The following NUP98 variants were observed in gnomAD, a reference collection of about 807,000 sequenced individuals.
The protein encoded by NUP98 is nucleoporin 98 and 96 precursor, also known as nuclear pore complex protein Nup98-Nup96.
Under a neutral mutation model 191.9 loss-of-function variants are expected in NUP98, and 26 were observed. The ratio of observed to expected loss-of-function variants is 0.14; its 90% CI spans 0.10 to 0.19. The LOEUF (loss-of-function observed/expected upper bound fraction) is 0.19. Among genes scored for constraint, NUP98 ranks in the 10% least tolerant of loss-of-function variants. NUP98 has a pLI of 1.00. For synonymous variants in NUP98, 808 were observed against 778.4 expected (o/e 1.04, Z -0.63); for missense variants, 1,941 against 2,178.8 (o/e 0.89, Z 2.17).
chr11:3,704,700 T>C (rs1049503568), intron 22 of NUP98, among the ~76,000 whole-genome samples: 2 of 152,244 alleles, frequency 1.3e-5, no homozygotes, highest in South Asian at 4.1e-4. Flanking sequence ...GAGGTAATTC[T>C]AGTTCTTAAA....
rs71041395 is a variant in NUP98, at chr11:3,791,533, CAAA to C, written c.-29+5864_-29+5866del. On this transcript the variant is annotated intron_variant, in intron 1 of 32. Transcript: ENST00000324932. Reference sequence around the variant, plus strand: ...TGGGGGAAAGACCGAGACCTCGTCTCAAAAAAAAAAAAAAAAAAAAAAAAAGAA... The same window carrying C: ...TGGGGGAAAGACCGAGACCTCGTCTCAAAAAAAAAAAAAAAAAAAAAAGAA... 3.3e-3 allele frequency among the ~76,000 whole-genome samples: 224 copies of C among 67,196 alleles called. 3 individuals carry two copies. The highest frequency in any genetic ancestry group is 0.042 in the Middle Eastern group (2 of 48). 44.1% of individuals were successfully genotyped at this position (67,196 alleles called of 152,430 possible).
At chr11:3,750,692 A>G (rs1333050383) in intron 11 of NUP98, among the ~76,000 whole-genome samples, 1 of 151,920 alleles carries the variant, frequency 6.6e-6, no homozygotes, top group African/African-American at 2.4e-5. Context: ...CAGTGGTACT[A>G]TCGTAACCCA....
At position 3,675,422 on chromosome 11, in the gene NUP98, CA is replaced by C. The variant is rs763826584; in HGVS notation, c.*736del. ...CAGGCAAATCCAGACAGAGTCTCAG[CA>C]AGACTGAAAACCAGGGACCAAACCA... On this transcript the variant is annotated 3_prime_UTR_variant, in exon 33 of 33. Transcript: ENST00000324932. The C allele has an allele frequency of 6.2e-5, 14 of 226,400 alleles. No homozygotes were observed. Among genetic ancestry groups the C allele is most frequent in the Non-Finnish European group, 1.1e-4 (13 of 113,822 alleles). 14.0% of individuals were successfully genotyped at this position (226,400 alleles called of 1,614,324 possible). A position where few individuals can be genotyped will look rare whatever the true frequency, so the allele number is the denominator to read the frequency against.
rs185329680 is a variant in NUP98, at chr11:3,758,416, G to A, written c.1174+2123C>T. Among the ~76,000 whole-genome samples the A allele has an allele frequency of 2.3e-3, 354 of 152,264 alleles. 4 individuals are homozygous for A. Among genetic ancestry groups the A allele is most frequent in the Non-Finnish European group, 2.1e-3 (142 of 68,020 alleles). ...TAGTCTACAAACGGTCCATGGGGAA[G>A]GGTAAGTGATAATAGAAAAGGTTGA... is the stretch of plus-strand genomic sequence containing the variant. On this transcript the variant is annotated intron_variant, in intron 10 of 32. Transcript: ENST00000324932.
chr11:3,711,874 A>G, intron 20 of NUP98: 1 of 1,035,406 alleles, frequency 9.7e-7, no homozygotes, highest in Non-Finnish European at 1.2e-6. Flanking sequence ...TAAAAACCAC[A>G]CATTTCAGCA....
intron 20 of NUP98, among the ~76,000 whole-genome samples, chr11:3,710,830 T>G (rs1259539584): frequency 6.6e-6 from 1 of 152,214 alleles, no homozygotes; most frequent in Non-Finnish European, 1.5e-5. Flanking sequence ...TAGAAAATAA[T>G]GCAAGTAAAC....
At position 3,702,692 on chromosome 11, in the gene NUP98, G is replaced by A. The variant is rs541523751; in HGVS notation, c.3283C>T (p.Arg1095Cys). The A allele has an allele frequency of 2.2e-5, 36 of 1,614,124 alleles. No homozygotes were observed. In the South Asian group the frequency reaches 2.4e-4, roughly 11 times the overall value. ...CGAGGGACTAGGCCTAGTTGCCTAC[G>A]TGTACCCACTGTTTTCAACGGAACC... The part of the protein sequence containing the change: ...PEVPLKTVGT[R>C]RQLGLVPREK... The change falls in exon 23 of 33, where the codon CGT (arginine) becomes TGT (cysteine). Residue 1095 changes from arginine (R) to cysteine (C), a missense_variant. By Grantham distance (180) the Arg-to-Cys change is radical. This residue lies in a region of NUP98 where 1,030 missense variants were observed against 1,115.8 expected (regional missense o/e 0.92). Coordinates refer to ENST00000324932, the MANE Select transcript of NUP98 (RefSeq NM_016320.5).
intron 2 of NUP98, among the ~76,000 whole-genome samples, chr11:3,781,704 G>T (rs186323823): frequency 1.8e-4 from 27 of 151,820 alleles, no homozygotes; most frequent in African/African-American, 6.3e-4. Flanking sequence ...TAAATTCCAG[G>T]GCAGTTATTT....
chr11:3,743,829 G>A (rs1352479110), intron 12 of NUP98, among the ~76,000 whole-genome samples: 5 of 151,584 alleles, frequency 3.3e-5, no homozygotes, highest in South Asian at 2.1e-4. Context: ...CGAGGTGGGC[G>A]GATCACGAGG....
At chr11:3,771,658 C>G in intron 7 of NUP98, 90 bp downstream of exon 7, 1 of 1,119,242 alleles carries the variant, frequency 8.9e-7, no homozygotes, top group South Asian at 1.4e-5. Flanking sequence ...TTATTTTTCT[C>G]CATAGCACTT....
Position 3,763,117 on chromosome 11 carries a change from T to C in NUP98, c.949-78A>G. On this transcript the variant is annotated intron_variant, in intron 8 of 32. Coordinates refer to ENST00000324932, the MANE Select transcript of NUP98 (RefSeq NM_016320.5). ...GAATCTCAGAGTAATAAAAAAAAAGTTACCATTTTTTCAAGCTTATATGAC... is the reference window on the plus strand; with the variant it reads ...GAATCTCAGAGTAATAAAAAAAAAGCTACCATTTTTTCAAGCTTATATGAC... 2.2e-6 allele frequency: 3 copies of C among 1,385,256 alleles called. No individual in the cohort carries two copies. In the South Asian group the frequency reaches 4.0e-5, roughly 19 times the overall value. 85.8% of individuals were successfully genotyped at this position (1,385,256 alleles called of 1,614,324 possible). A position where few individuals can be genotyped will look rare whatever the true frequency, so the allele number is the denominator to read the frequency against.
intron 25 of NUP98, among the ~76,000 whole-genome samples, chr11:3,697,612 C>T (rs903118160): frequency 2.0e-5 from 3 of 151,954 alleles, no homozygotes; most frequent in African/African-American, 7.3e-5. Flanking sequence ...AGTTTGAGAC[C>T]ACCCTGGCCA....
At chr11:3,763,967 T>C (rs867911654) in intron 8 of NUP98, among the ~76,000 whole-genome samples, 1 of 152,236 alleles carries the variant, frequency 6.6e-6, no homozygotes, top group African/African-American at 2.4e-5. Flanking sequence ...ACTTGCTGAA[T>C]AGGGAATTCA....
At chr11:3,744,790 G>T in intron 11 of NUP98, 141 bp from the exon 12 acceptor site, 1 of 835,974 alleles carries the variant, frequency 1.2e-6, no homozygotes, top group Non-Finnish European at 1.8e-6. Flanking sequence ...TACGGTAAGT[G>T]TTACTGCAGG....
chr11:3,750,504 C>T (rs2080708375), intron 11 of NUP98, among the ~76,000 whole-genome samples: 1 of 152,200 alleles, frequency 6.6e-6, no homozygotes. Context: ...TAAGACAGTG[C>T]TTTCAAACAT....
chr11:3,731,254 ACT>A (rs1180547044), intron 14 of NUP98, 135 bp downstream of exon 14: 1 of 511,002 alleles, frequency 2.0e-6, no homozygotes, highest in Admixed American at 4.3e-5. Flanking sequence ...ACAGAGTAAG[ACT>A]CTGTCTCAAA....
intron 8 of NUP98, among the ~76,000 whole-genome samples, chr11:3,766,636 C>A (rs1435295945): frequency 1.4e-5 from 2 of 144,690 alleles, no homozygotes; most frequent in African/African-American, 2.6e-5. Context: ...CTGCAGTGAG[C>A]TGAGATCGTG....
At chr11:3,758,799 G>C (rs1301450563) in intron 10 of NUP98, among the ~76,000 whole-genome samples, 1 of 151,882 alleles carries the variant, frequency 6.6e-6, no homozygotes, top group Non-Finnish European at 1.5e-5. Flanking sequence ...CAGAGAGACA[G>C]AGACAGAGAC....
chr11:3,747,690 G>A (rs188200793), intron 11 of NUP98, among the ~76,000 whole-genome samples: 103 of 152,184 alleles, frequency 6.8e-4, no homozygotes, highest in Admixed American at 6.7e-3. Context: ...GTACCCAAAC[G>A]CCCACATTAC....
Sources: allele counts gnomAD v4.1 joint callset (sites outside exome capture counted in the v4.1 genomes callset), GRCh38; gene constraint gnomAD v4.1.1; regional missense constraint gnomAD v4.1.1; transcripts MANE v1.5; gene names NCBI Gene and HGNC (gene_info 2026-07-23, HGNC 2026-07-21).